Variants in RETREG1 observed in about 807,000 individuals in gnomAD.
The protein encoded by RETREG1 is reticulophagy regulator 1.
A neutral mutation model predicts 54.8 loss-of-function variants in RETREG1; 44 were observed. That is an observed-to-expected ratio of 0.80 (90% CI 0.63 to 1.03). The LOEUF is 1.03. Ranked by LOEUF, RETREG1 falls within the 50% of genes least tolerant of loss-of-function variation. The pLI, the probability that RETREG1 is intolerant of heterozygous loss-of-function variation, is 0.00. For missense variants in RETREG1, 554 were observed against 605.1 expected (o/e 0.92, Z 0.89); for synonymous variants, 217 against 238.5 (o/e 0.91, Z 0.83).
chr5:16,484,882 C>T (rs1561081880), intron 3 of RETREG1, among the ~76,000 whole-genome samples: 1 of 152,020 alleles, frequency 6.6e-6, no homozygotes, highest in Non-Finnish European at 1.5e-5. Flanking sequence ...AAGAAATGAA[C>T]TTTTGGGGAT....
intron 3 of RETREG1, among the ~76,000 whole-genome samples, chr5:16,546,875 G>A (rs1741405035): frequency 6.6e-6 from 1 of 152,136 alleles, no homozygotes; most frequent in Admixed American, 6.5e-5. Context: ...TATTCTGGTG[G>A]CACAGACTCT....
intron 1 of RETREG1, among the ~76,000 whole-genome samples, chr5:16,592,347 T>G (rs1048959726): frequency 6.6e-6 from 1 of 152,112 alleles, no homozygotes; most frequent in East Asian, 1.9e-4. Flanking sequence ...AAAACCACCA[T>G]GAGATATCAT....
At chr5:16,539,020 A>T (rs887706735) in intron 3 of RETREG1, among the ~76,000 whole-genome samples, 4 of 152,200 alleles carry the variant, frequency 2.6e-5, no homozygotes, top group African/African-American at 9.6e-5. Context: ...AGGCTGTCGG[A>T]ATCTGTTAGA....
chr5:16,601,366 A>G (rs917034993), intron 1 of RETREG1, among the ~76,000 whole-genome samples: 4 of 71,794 alleles, frequency 5.6e-5, no homozygotes, highest in African/African-American at 1.5e-4. Flanking sequence ...AAAAAAGAGG[A>G]AAAAAAACAA....
At chr5:16,500,689 C>T (rs1412219645) in intron 3 of RETREG1, among the ~76,000 whole-genome samples, 1 of 152,190 alleles carries the variant, frequency 6.6e-6, no homozygotes, top group African/African-American at 2.4e-5. Flanking sequence ...CTATAAGATG[C>T]ACTGGGCAGA....
intron 1 of RETREG1, among the ~76,000 whole-genome samples, chr5:16,611,213 T>A (rs1015001017): frequency 2.0e-5 from 3 of 152,018 alleles, no homozygotes; most frequent in Non-Finnish European, 4.4e-5. Flanking sequence ...ATGAGAACAC[T>A]TGGACACAGG....
At chr5:16,579,990 CCAT>C in intron 1 of RETREG1, among the ~76,000 whole-genome samples, 1 of 152,312 alleles carries the variant, frequency 6.6e-6, no homozygotes, top group East Asian at 1.9e-4. Context: ...TTTAACAGTT[CCAT>C]CAGCATGCTG....
intron 1 of RETREG1, among the ~76,000 whole-genome samples, chr5:16,595,924 T>G (rs1032510513): frequency 6.6e-6 from 1 of 152,310 alleles, no homozygotes; most frequent in East Asian, 1.9e-4. Flanking sequence ...CACACTGACC[T>G]GCAAAATATA....
At chr5:16,566,548 G>C (rs1742019739) in intron 2 of RETREG1, among the ~76,000 whole-genome samples, 1 of 152,200 alleles carries the variant, frequency 6.6e-6, no homozygotes, top group African/African-American at 2.4e-5. Flanking sequence ...CTAACAAAAA[G>C]CCAAATGTGT....
intron 1 of RETREG1, among the ~76,000 whole-genome samples, chr5:16,603,104 G>A (rs1743091353): frequency 6.6e-6 from 1 of 152,138 alleles, no homozygotes; most frequent in African/African-American, 2.4e-5. Flanking sequence ...CCTAGAAACA[G>A]GACTGGGAAG....
At chr5:16,607,457 T>G (rs1743222414) in intron 1 of RETREG1, among the ~76,000 whole-genome samples, 1 of 151,902 alleles carries the variant, frequency 6.6e-6, no homozygotes, top group African/African-American at 2.4e-5. Context: ...CTACTAAAAA[T>G]ACAAAAATTA....
chr5:16,541,179 A>C (rs899461749), intron 3 of RETREG1, among the ~76,000 whole-genome samples: 1 of 152,232 alleles, frequency 6.6e-6, no homozygotes, highest in Non-Finnish European at 1.5e-5. Flanking sequence ...ACCAAAAGAC[A>C]GGGTCTTTGG....
Position 16,616,975 on chromosome 5 carries a change from C to A in RETREG1, c.-4G>T. The A allele has an allele frequency of 1.4e-6, 2 of 1,409,008 alleles. No homozygotes were observed. The highest frequency in any genetic ancestry group is 1.8e-6 in the Non-Finnish European group (2 of 1,083,570). 87.3% of individuals were successfully genotyped at this position (1,409,008 alleles called of 1,614,324 possible). On this transcript the variant is annotated 5_prime_UTR_variant, in exon 1 of 9. Transcript: ENST00000306320. The stretch of plus-strand genomic sequence containing the variant: ...CCGGAGGCGCCGGGCTCGCCATCTT[C>A]AGCTGTGCTTCCAGACAGGGACGGG...
chr5:16,550,216 T>C (rs1021406975), intron 3 of RETREG1, among the ~76,000 whole-genome samples: 1 of 151,826 alleles, frequency 6.6e-6, no homozygotes, highest in African/African-American at 2.4e-5. Context: ...TTTTGCCAAA[T>C]ACCTCTAAAT....
chr5:16,496,377 A>C (rs1739459344), intron 3 of RETREG1, among the ~76,000 whole-genome samples: 1 of 152,158 alleles, frequency 6.6e-6, no homozygotes, highest in Non-Finnish European at 1.5e-5. Flanking sequence ...ACACTGTCAA[A>C]TCACACTGCC....
chr5:16,494,226 T>C (rs1349470831), intron 3 of RETREG1, among the ~76,000 whole-genome samples: 1 of 152,224 alleles, frequency 6.6e-6, no homozygotes, highest in Non-Finnish European at 1.5e-5. Context: ...ATGTAAATAG[T>C]ACATGTATTA....
intron 4 of RETREG1, chr5:16,482,884 T>C (rs2126520046): frequency 6.0e-6 from 1 of 166,184 alleles, no homozygotes; most frequent in South Asian, 1.5e-4. Flanking sequence ...TGAATGTTTT[T>C]GCCAAAAGTT....
At chr5:16,482,726 T>C (rs1323079155) in intron 4 of RETREG1, among the ~76,000 whole-genome samples, 1 of 152,120 alleles carries the variant, frequency 6.6e-6, no homozygotes, top group Non-Finnish European at 1.5e-5. Context: ...ATCAAGACAG[T>C]TGATCAGAAT....
chr5:16,595,511 A>T (rs1742876477), intron 1 of RETREG1, among the ~76,000 whole-genome samples: 1 of 152,240 alleles, frequency 6.6e-6, no homozygotes, highest in Non-Finnish European at 1.5e-5. Context: ...GTTAGTTACG[A>T]GCATACAACA....
Sources: gnomAD v4.1 joint callset for allele counts (sites outside exome capture counted in the v4.1 genomes callset) on GRCh38, gnomAD v4.1.1 for gene constraint, MANE v1.5 for transcripts, NCBI Gene and HGNC (gene_info 2026-07-23, HGNC 2026-07-21) for gene names.